Variants in CLASRP observed in about 807,000 individuals in gnomAD.
The protein encoded by CLASRP is CLK4-associating serine/arginine rich protein.
Under a neutral mutation model 99.9 loss-of-function variants are expected in CLASRP, and 52 were observed. The ratio of observed to expected loss-of-function variants is 0.52; its 90% CI spans 0.42 to 0.66. The LOEUF (loss-of-function observed/expected upper bound fraction) is 0.66, where lower values mean the gene tolerates loss of function less well. Among genes scored for constraint, CLASRP ranks in the 30% least tolerant of loss-of-function variants. The pLI is 0.00. For synonymous variants in CLASRP, 379 were observed against 373.0 expected (o/e 1.02, Z -0.18); for missense variants, 848 against 999.2 (o/e 0.85, Z 2.04).
At chr19:45,043,907 A>T (rs1317627764) in intron 2 of CLASRP, among the ~76,000 whole-genome samples, 1 of 151,368 alleles carries the variant, frequency 6.6e-6, no homozygotes, top group Non-Finnish European at 1.5e-5. Context: ...TTTGAGATGG[A>T]GTCTGGCTCT....
In CLASRP at chr19:45,069,252, A is replaced by G. The variant is rs777502349; in HGVS notation, c.1874+4A>G. On this transcript the variant is annotated splice_donor_region_variant and intron_variant, in intron 18 of 20. Coordinates refer to ENST00000221455, the MANE Select transcript of CLASRP (RefSeq NM_007056.3). ...TGGCCCGCAAGATCCGCATGAAGTA[A>G]GACCTTGCCCCTCCCTGTCCCATGG... 7.4e-6 allele frequency: 12 copies of G among 1,612,906 alleles called. No individual in the cohort carries two copies. The highest frequency in any genetic ancestry group is 8.5e-6 in the Non-Finnish European group (10 of 1,179,968).
intron 2 of CLASRP, among the ~76,000 whole-genome samples, chr19:45,046,636 GT>G (rs1971922142): frequency 6.6e-6 from 1 of 152,212 alleles, no homozygotes; most frequent in Non-Finnish European, 1.5e-5. Flanking sequence ...CTAGCACAAG[GT>G]CTGCTTAACA....
intron 7 of CLASRP, 100 bp downstream of exon 7, chr19:45,057,998 GTCTC>G: frequency 6.8e-7 from 1 of 1,480,318 alleles, no homozygotes; most frequent in Admixed American, 1.9e-5. Context: ...TACGAACCGT[GTCTC>G]TCTCCCTACC....
intron 6 of CLASRP, 47 bp downstream of exon 6, chr19:45,056,581 G>A: frequency 6.6e-7 from 1 of 1,515,282 alleles, no homozygotes; most frequent in African/African-American, 1.4e-5. Context: ...CAGGAGGGCT[G>A]GGAGCCCCAG....
In CLASRP at chr19:45,044,477, TGA is replaced by T. The variant is rs531928879; in HGVS notation, c.99+4168_99+4169del. Among the ~76,000 whole-genome samples, 104 of 152,326 alleles carry T rather than the reference TGA, an allele frequency of 6.8e-4. 1 individual carries two copies. The South Asian group carries it at 0.02, about 29-fold the overall frequency. ...ATACGTGGCTTACAGTCACATAGCATGAGGGCAGAGCTGGCACTATAACCCAG... is the reference window on the plus strand; with the variant it reads ...ATACGTGGCTTACAGTCACATAGCATGGGCAGAGCTGGCACTATAACCCAG... On this transcript the variant is annotated intron_variant, in intron 2 of 20. Coordinates refer to ENST00000221455, the MANE Select transcript of CLASRP (RefSeq NM_007056.3).
intron 13 of CLASRP, 100 bp downstream of exon 13, chr19:45,064,730 CAG>C: frequency 6.9e-7 from 1 of 1,446,666 alleles, no homozygotes; most frequent in Non-Finnish European, 9.1e-7. Context: ...CCGTCCAGCT[CAG>C]AGAACACCCC....
chr19:45,057,681 G>A (rs926435586), intron 6 of CLASRP, 69 bp from the exon 7 acceptor site: 4 of 1,584,312 alleles, frequency 2.5e-6, no homozygotes, highest in Non-Finnish European at 3.5e-6. Context: ...CGAGACTGGT[G>A]TGTGGGGCTA....
Position 45,067,226 on chromosome 19 carries a change from C to T in CLASRP, c.1410-111C>T, listed in dbSNP as rs1967106175. 5 of 1,252,894 alleles carry T rather than the reference C, an allele frequency of 4.0e-6. No homozygotes were observed. The African/African-American group carries it at 6.1e-5, about 15-fold the overall frequency. 77.6% of individuals were successfully genotyped at this position (1,252,894 alleles called of 1,614,324 possible). ...GAGTAGCAGGAGAGGAGAGTCGAGC[C>T]TGTCACCCTGGGCCTTGCAGGAAGG... On this transcript the variant is annotated intron_variant, in intron 13 of 20. Coordinates refer to ENST00000221455, the MANE Select transcript of CLASRP (RefSeq NM_007056.3). This position sits in a 1 kb window ranked among gnomAD's most constrained non-coding sequence, Gnocchi z 4.9.
At chr19:45,069,150 G>A (rs1381457676) in intron 17 of CLASRP, 26 bp downstream of exon 17, 5 of 1,613,980 alleles carry the variant, frequency 3.1e-6, no homozygotes, top group Non-Finnish European at 4.2e-6. Context: ...GAGGGCTGGG[G>A]TGACGGGTGG....
intron 5 of CLASRP, among the ~76,000 whole-genome samples, chr19:45,054,141 C>G (rs922025614): frequency 6.6e-6 from 1 of 152,254 alleles, no homozygotes; most frequent in South Asian, 2.1e-4. Context: ...TCTCGCTGCT[C>G]TGGGCTTGCC....
Position 45,064,550 on chromosome 19 carries a change from A to AGGT in CLASRP, c.1332_1334dup (p.Gly446dup). On this transcript the variant is annotated inframe_insertion, in exon 13 of 21. Transcript: ENST00000221455. ...CCCGTAGCCGTGGCCGGCGGCACTC[A>AGGT]GGTGGGGGCTCCCGAGACGGACACC... 6.5e-7 allele frequency: 1 copy of AGGT among 1,538,772 alleles called. No homozygotes were observed. The highest frequency in any genetic ancestry group is 8.7e-7 in the Non-Finnish European group (1 of 1,146,590).
chr19:45,069,184 T>C lies in CLASRP; in HGVS notation c.1828-18T>C. The C allele has an allele frequency of 6.2e-7, 1 of 1,614,048 alleles. No individual in the cohort carries two copies. The highest frequency in any genetic ancestry group is 8.5e-7 in the Non-Finnish European group (1 of 1,179,988). ...GGGTGCTGGCCTGGCCACGTCCTCATAGCCCTGTCTGCTGCAGGAGCGGGA... is the reference window on the plus strand; with the variant it reads ...GGGTGCTGGCCTGGCCACGTCCTCACAGCCCTGTCTGCTGCAGGAGCGGGA... On this transcript the variant is annotated intron_variant, in intron 17 of 20. Coordinates refer to ENST00000221455, the MANE Select transcript of CLASRP (RefSeq NM_007056.3).
intron 5 of CLASRP, among the ~76,000 whole-genome samples, chr19:45,055,481 A>C (rs557987433): frequency 6.6e-6 from 1 of 152,314 alleles, no homozygotes; most frequent in East Asian, 1.9e-4. Context: ...TAGAACAAGG[A>C]AGGGCCGTGC....
Position 45,065,388 on chromosome 19 carries a change from CAA to C in CLASRP, c.1409+780_1409+781del, listed in dbSNP as rs761472417. 2.7e-3 allele frequency among the ~76,000 whole-genome samples: 232 copies of C among 84,964 alleles called. 1 individual carries two copies. The highest frequency in any genetic ancestry group is 8.1e-3 in the African/African-American group (202 of 25,058). The allele number at this position is 84,964 out of a possible 152,430, so 55.7% of individuals were successfully genotyped here. Reference sequence around the variant, plus strand: ...CTGGTGACAGAGTGAGATTCCGTCTCAAAAAAAAAAAAAAAAAAAAAAATTAG... The same window carrying C: ...CTGGTGACAGAGTGAGATTCCGTCTCAAAAAAAAAAAAAAAAAAAAATTAG... On this transcript the variant is annotated intron_variant, in intron 13 of 20. Coordinates refer to ENST00000221455, the MANE Select transcript of CLASRP (RefSeq NM_007056.3).
rs879905877 is a variant in CLASRP at position 45,067,283 on chromosome 19, C to G, written c.1410-54C>G. 4.3e-4 allele frequency: 626 copies of G among 1,447,444 alleles called. No homozygotes were observed. Among genetic ancestry groups the G allele is most frequent in the Non-Finnish European group, 5.4e-4 (596 of 1,103,846 alleles). 89.7% of individuals were successfully genotyped at this position (1,447,444 alleles called of 1,614,324 possible). The stretch of plus-strand genomic sequence containing the variant: ...GTGGATCCGGACCCAGGGTGGGGTG[C>G]GGTTGGGGTCCCTGGAGCCTCACAG... On this transcript the variant is annotated intron_variant, in intron 13 of 20. Transcript: ENST00000221455. This position sits in a 1 kb window ranked among gnomAD's most constrained non-coding sequence, Gnocchi z 4.9.
At chr19:45,051,693 G>T (rs1972025573) in intron 2 of CLASRP, among the ~76,000 whole-genome samples, 2 of 152,156 alleles carry the variant, frequency 1.3e-5, no homozygotes, top group Admixed American at 1.3e-4. Context: ...TGCAGGCCGG[G>T]CGCGGTGACT....
At chr19:45,070,268 C>G (rs1012322577) in intron 19 of CLASRP, among the ~76,000 whole-genome samples, 164 bp downstream of exon 19, 2 of 152,124 alleles carry the variant, frequency 1.3e-5, no homozygotes, top group Non-Finnish European at 2.9e-5. Context: ...GTCAGGAGTT[C>G]GAGACCAGCC....
rs1405184512 is a variant in CLASRP at position 45,040,230 on chromosome 19, G to C, written c.18G>C (p.Arg6=). MWHEA[R]KHERKLRGMM... ...TCACCACAATGTGGCACGAGGCTCG[G>C]AAGCATGAGCGGAAGCTTCGAGGCA... Residue 6 remains arginine, a synonymous_variant, in exon 2 of 21, where the codon CGG becomes CGC. Transcript: ENST00000221455. The C allele has an allele frequency of 6.2e-7, 1 of 1,610,218 alleles. No individual in the cohort carries two copies. The highest frequency in any genetic ancestry group is 8.5e-7 in the Non-Finnish European group (1 of 1,178,884).
chr19:45,070,083 C>T lies in CLASRP; in HGVS notation c.1936C>T (p.Arg646Cys), dbSNP rs753553785. 5.0e-6 allele frequency: 8 copies of T among 1,600,370 alleles called. No individual in the cohort carries two copies. Among genetic ancestry groups the T allele is most frequent in the Non-Finnish European group, 6.0e-6 (7 of 1,167,500 alleles). ...EWERQYSRQS[R>C]SPSPRYSREY... ...GGAACGCCAGTACAGCCGGCAGAGC[C>T]GCTCACCCTCCCCCCGATACAGTGA... Residue 646 changes from arginine (R) to cysteine (C), a missense_variant, in exon 19 of 21, where the codon CGC becomes TGC. Physicochemically the swap from Arg to Cys is radical, Grantham distance 180. Transcript: ENST00000221455.
Sources: gnomAD v4.1 joint callset for allele counts (sites outside exome capture counted in the v4.1 genomes callset) on GRCh38, gnomAD v4.1.1 for gene constraint, Gnocchi (gnomAD v3.1) non-coding constraint, MANE v1.5 for transcripts, NCBI Gene and HGNC (gene_info 2026-07-23, HGNC 2026-07-21) for gene names.